The following CCT5 variants were observed in gnomAD, a reference collection of about 807,000 sequenced individuals.
CCT5 encodes T-complex protein 1 subunit epsilon.
In CCT5, 6 loss-of-function variants were observed where a neutral mutation model predicts 55.0. The ratio of observed to expected loss-of-function variants is 0.11; its 90% CI spans 0.06 to 0.22. The LOEUF (loss-of-function observed/expected upper bound fraction) is 0.22. CCT5 is among the 10% of genes least tolerant of loss of function. CCT5 has a pLI of 1.00. For missense variants in CCT5, 560 were observed against 694.6 expected, an observed-to-expected ratio of 0.81 and a Z score of 2.18; for synonymous variants, 231 against 243.7, an observed-to-expected ratio of 0.95 and a Z score of 0.49.
At chr5:10,261,004 C>T in intron 7 of CCT5, 93 bp downstream of exon 7, 2 of 1,311,134 alleles carry the variant, frequency 1.5e-6, no homozygotes, top group Non-Finnish European at 2.2e-6. Context: ...ATAACTGCAT[C>T]ACACCAAGGC....
intron 1 of CCT5, among the ~76,000 whole-genome samples, chr5:10,251,245 G>A (rs1260387143): frequency 5.3e-5 from 8 of 152,168 alleles, no homozygotes; most frequent in African/African-American, 1.9e-4. Flanking sequence ...TGGAAAATAC[G>A]ACGTTATCTT....
intron 10 of CCT5, among the ~76,000 whole-genome samples, chr5:10,264,297 T>G (rs1746120633): frequency 6.6e-6 from 1 of 152,148 alleles, no homozygotes; most frequent in Non-Finnish European, 1.5e-5. Flanking sequence ...TAGATCTTTC[T>G]TGGAAATATC....
chr5:10,255,774 A>C (rs377297971), intron 3 of CCT5, among the ~76,000 whole-genome samples, 181 bp from the exon 4 acceptor site: 1 of 152,170 alleles, frequency 6.6e-6, no homozygotes, highest in East Asian at 1.9e-4. Flanking sequence ...GTCCTATTCG[A>C]CCTTCGCTAG....
intron 6 of CCT5, 118 bp from the exon 7 acceptor site, chr5:10,260,674 C>T: frequency 9.5e-7 from 1 of 1,052,374 alleles, no homozygotes; most frequent in Non-Finnish European, 1.5e-6. Context: ...CTTTCCTTTG[C>T]TTTTGTGTTT....
At chr5:10,254,029 G>A in intron 1 of CCT5, 116 bp from the exon 2 acceptor site, 3 of 740,658 alleles carry the variant, frequency 4.1e-6, no homozygotes, top group Non-Finnish European at 7.4e-6. Flanking sequence ...CTTAAATGTA[G>A]AAGCTTCTAG....
chr5:10,255,077 A>G lies in CCT5; in HGVS notation c.331+239A>G, dbSNP rs1745605878. On this transcript the variant is annotated intron_variant, in intron 3 of 10. Transcript: ENST00000280326. The stretch of plus-strand genomic sequence containing the variant: ...ATGTGTAATGATTGATTGGACACTG[A>G]TTTTGCTTGTCTTTTAAGCTATAAA... 9.4e-6 allele frequency: 5 copies of G among 530,648 alleles called. No individual in the cohort carries two copies. In the East Asian group the frequency reaches 1.3e-4, roughly 14 times the overall value. The allele number at this position is 530,648 out of a possible 1,614,324, so 32.9% of individuals were successfully genotyped here.
At chr5:10,250,596 C>A (rs906701099) in intron 1 of CCT5, 151 bp downstream of exon 1, 2 of 1,470,694 alleles carry the variant, frequency 1.4e-6, no homozygotes, top group African/African-American at 1.4e-5. Flanking sequence ...CCGCTCAGCC[C>A]GCTTACTGAG....
In CCT5 at chr5:10,264,845, G is replaced by C; in HGVS notation, c.*62G>C. 6.2e-7 allele frequency: 1 copy of C among 1,602,722 alleles called. No individual in the cohort carries two copies. Among genetic ancestry groups the C allele is most frequent in the Non-Finnish European group, 8.5e-7 (1 of 1,170,466 alleles). ...GTGATTAAGTAAATGGATGTCTCGT[G>C]ATGCATCTACAGTTATTTATTGTTA... On this transcript the variant is annotated 3_prime_UTR_variant, in exon 11 of 11. Transcript: ENST00000280326.
upstream of CCT5, chr5:10,250,229 G>A (rs745933943): frequency 2.1e-4 from 334 of 1,572,494 alleles, no homozygotes; most frequent in Non-Finnish European, 2.8e-4. Context: ...AGTCCCGCGC[G>A]TCTTGTGCTG....
chr5:10,264,764 C>T lies in CCT5; in HGVS notation c.1607C>T (p.Pro536Leu). ...MILKIDDIRK[P>L]GESEE ...TTGAAGATTGATGACATTCGTAAGC[C>T]TGGAGAATCTGAAGAATGAAGACAT... The change falls in exon 11 of 11, where the codon CCT (proline) becomes CTT (leucine). Residue 536 changes from proline to leucine, a missense_variant. By Grantham distance (98) the Pro-to-Leu change is moderately conservative. This residue lies in a region of CCT5 where 115 missense variants were observed against 105.0 expected (regional missense o/e 1.10). Transcript: ENST00000280326. 1 of 1,609,854 alleles carries T rather than the reference C, an allele frequency of 6.2e-7. No homozygotes were observed. The highest frequency in any genetic ancestry group is 8.5e-7 in the Non-Finnish European group (1 of 1,176,148).
Position 10,258,505 on chromosome 5 carries a change from A to G in CCT5, c.843A>G (p.Glu281=). Residue 281 remains glutamate, a synonymous_variant, in exon 6 of 11, where the codon GAA becomes GAG. Transcript: ENST00000280326. ...VEDYKALQKY[E]KEKFEEMIQQ... ...ATTATAAAGCCCTTCAGAAATACGA[A>G]AAGGAGAAATTTGAAGAGATGATTC... 3.1e-6 allele frequency: 5 copies of G among 1,613,954 alleles called. No homozygotes were observed. Among genetic ancestry groups the G allele is most frequent in the Non-Finnish European group, 4.2e-6 (5 of 1,179,878 alleles).
chr5:10,263,059 C>A, intron 9 of CCT5, 75 bp from the exon 10 acceptor site: 1 of 1,191,786 alleles, frequency 8.4e-7, no homozygotes, highest in Non-Finnish European at 1.3e-6. Context: ...GTATGTGATA[C>A]AGTTGTGTTT....
rs928846334 is a variant in CCT5 at position 10,266,154 on chromosome 5, C to T, written c.*1371C>T. On this transcript the variant is annotated 3_prime_UTR_variant, in exon 11 of 11. Coordinates refer to ENST00000280326, the MANE Select transcript of CCT5 (RefSeq NM_012073.5). ...TTTAAACTGAGTTTATTTACAAGGA[C>T]TGAGTCTAGCCTACAGAGAACATAC... 5.3e-5 allele frequency: 8 copies of T among 152,196 alleles called. No homozygotes were observed. The highest frequency in any genetic ancestry group is 1.7e-4 in the African/African-American group (7 of 41,444). The allele number at this position is 152,196 out of a possible 1,614,324, so 9.4% of individuals were successfully genotyped here.
rs770668105 is a variant in CCT5, at chr5:10,254,178, A to G, written c.139A>G (p.Thr47Ala). Residue 47 changes from threonine to alanine, a missense_variant, in exon 2 of 11, where the codon ACA (threonine) becomes GCA (alanine). By Grantham distance (58) the Thr-to-Ala change is moderately conservative. Coordinates refer to ENST00000280326, the MANE Select transcript of CCT5 (RefSeq NM_012073.5). ...HIMAAKAVANTMRTSLGPNGL... is the reference protein window; with the variant it reads ...HIMAAKAVANAMRTSLGPNGL... The stretch of plus-strand genomic sequence containing the variant: ...AATGGCAGCAAAGGCTGTAGCAAAT[A>G]CAATGAGAACATCACTTGGACCAAA... 1.7e-5 allele frequency: 27 copies of G among 1,609,724 alleles called. No individual in the cohort carries two copies. In the East Asian group the frequency reaches 5.6e-4, roughly 33 times the overall value.
In CCT5 at chr5:10,261,631, T is replaced by C; in HGVS notation, c.1065T>C (p.Phe355=). The C allele has an allele frequency of 4.3e-6, 7 of 1,614,206 alleles. No homozygotes were observed. The highest frequency in any genetic ancestry group is 5.9e-6 in the Non-Finnish European group (7 of 1,180,034). Residue 355 remains phenylalanine, a synonymous_variant, in exon 8 of 11, where the codon TTT becomes TTC. Coordinates refer to ENST00000280326, the MANE Select transcript of CCT5 (RefSeq NM_012073.5). Reference sequence around the variant, plus strand: ...AGCTCACAGCCGAGAAGCTGGGCTTTGCTGGTCTTGTACAGGAGATCTCAT... The same window carrying C: ...AGCTCACAGCCGAGAAGCTGGGCTTCGCTGGTCTTGTACAGGAGATCTCAT... ...FSELTAEKLG[F]AGLVQEISFG...
chr5:10,251,185 T>A (rs1465929473), intron 1 of CCT5, among the ~76,000 whole-genome samples: 1 of 152,184 alleles, frequency 6.6e-6, no homozygotes, highest in Non-Finnish European at 1.5e-5. Flanking sequence ...AGCACTGACT[T>A]CTTTAACTTA....
intron 1 of CCT5, chr5:10,250,696 G>A: frequency 7.4e-7 from 1 of 1,346,698 alleles, no homozygotes. Context: ...GGGTGGGGCC[G>A]CTCAGTCCGG....
chr5:10,262,246 G>GT, intron 8 of CCT5: 1 of 527,742 alleles, frequency 1.9e-6, no homozygotes, highest in East Asian at 3.5e-5. Flanking sequence ...AGTTTTGTCA[G>GT]TTTTTGACTC....
intron 4 of CCT5, among the ~76,000 whole-genome samples, chr5:10,256,748 A>G (rs886084347): frequency 1.3e-5 from 2 of 151,972 alleles, no homozygotes; most frequent in African/African-American, 4.8e-5. Flanking sequence ...TTTTCTTAAC[A>G]CTTCTTTCTA....
Sources: allele counts gnomAD v4.1 joint callset (sites outside exome capture counted in the v4.1 genomes callset), GRCh38; gene constraint gnomAD v4.1.1; regional missense constraint gnomAD v4.1.1; transcripts MANE v1.5; gene names NCBI Gene and HGNC (gene_info 2026-07-23, HGNC 2026-07-21).